GNA13: variants seen among roughly 807,000 people sequenced by gnomAD.
GNA13 encodes the protein G protein subunit alpha 13, also known as guanine nucleotide-binding protein subunit alpha-13.
Under a neutral mutation model 33.5 loss-of-function variants are expected in GNA13, and 4 were observed. The observed-to-expected ratio is 0.12, with a 90% CI of 0.06 to 0.27. The LOEUF (loss-of-function observed/expected upper bound fraction) is 0.27, where lower values mean the gene tolerates loss of function less well. Ranked by LOEUF, GNA13 falls within the 10% of genes least tolerant of loss-of-function variation. The pLI is 1.00. For missense variants in GNA13, 319 were observed against 487.2 expected (o/e 0.65, Z 3.25); for synonymous variants, 176 against 183.8 (o/e 0.96, Z 0.34).
chr17:65,023,313 C>T (rs79770194), intron 2 of GNA13, among the ~76,000 whole-genome samples: 1,843 of 152,294 alleles, frequency 0.012, 42 homozygotes, highest in African/African-American at 0.041. Flanking sequence ...GAATTTAACA[C>T]GCTCCTGTGA....
chr17:65,045,987 T>A (rs1907646175), intron 2 of GNA13, among the ~76,000 whole-genome samples: 1 of 152,182 alleles, frequency 6.6e-6, no homozygotes, highest in South Asian at 2.1e-4. Flanking sequence ...AGTCAGCAGA[T>A]TGGGACTGCG....
chr17:65,022,704 C>CA (rs1906628109), intron 2 of GNA13, among the ~76,000 whole-genome samples: 1 of 152,072 alleles, frequency 6.6e-6, no homozygotes, highest in African/African-American at 2.4e-5. Flanking sequence ...TTCACCAAAA[C>CA]AAAAAATGAA....
At position 65,056,331 on chromosome 17, in the gene GNA13, A is replaced by G; in HGVS notation, c.263T>C (p.Ile88Thr). The G allele has an allele frequency of 6.5e-7, 1 of 1,546,412 alleles. No homozygotes were observed. Residue 88 changes from isoleucine (I) to threonine (T), a missense_variant, in exon 1 of 4, where the codon ATC becomes ACC. Around this residue, in one of 4 missense-constraint regions of GNA13, gnomAD observed 136 missense variants for 159.3 expected, o/e 0.85. Coordinates refer to ENST00000439174, the MANE Select transcript of GNA13 (RefSeq NM_006572.6). The stretch of plus-strand genomic sequence containing the variant: ...GGCACCTTTGATCACGTTGCTGTAG[A>G]TGGTGGGGCGGAACTCCTCGCGCGC... ...QRAREEFRPT[I>T]YSNVIKGMRV...
chr17:65,026,360 C>T (rs1906784709), intron 2 of GNA13, among the ~76,000 whole-genome samples: 1 of 152,032 alleles, frequency 6.6e-6, no homozygotes, highest in African/African-American at 2.4e-5. Context: ...TCATCTGATC[C>T]CCAAAGGGAA....
At position 65,031,919 on chromosome 17, in the gene GNA13, AGAGT is replaced by A. The variant is rs1325572870; in HGVS notation, c.511-13620_511-13617del. Among the ~76,000 whole-genome samples the A allele has an allele frequency of 8.4e-3, 1,048 of 125,496 alleles. 10 individuals are homozygous for A. The highest frequency in any genetic ancestry group is 0.03 in the African/African-American group (959 of 31,698). The allele number at this position is 125,496 out of a possible 152,430, so 82.3% of individuals were successfully genotyped here. A position where few individuals can be genotyped will look rare whatever the true frequency, so the allele number is the denominator to read the frequency against. ...GAAAGAGAGAGAGAGAGAGAGAGAG[AGAGT>A]GTGTGTGTGTGTGTGTGTGTGTGTG... On this transcript the variant is annotated intron_variant, in intron 2 of 3. Coordinates refer to ENST00000439174, the MANE Select transcript of GNA13 (RefSeq NM_006572.6).
In GNA13 at chr17:65,031,958, A is replaced by G. The variant is rs554778203; in HGVS notation, c.511-13655T>C. On this transcript the variant is annotated intron_variant, in intron 2 of 3. Coordinates refer to ENST00000439174, the MANE Select transcript of GNA13 (RefSeq NM_006572.6). ...TGTGTGTGTGTGTGTGTGTGTGTGT[A>G]TAAAAGAGACCTAGATATAGGCTTT... 2.2e-3 allele frequency among the ~76,000 whole-genome samples: 283 copies of G among 126,638 alleles called. 1 individual carries two copies. The highest frequency in any genetic ancestry group is 7.5e-3 in the East Asian group (36 of 4,786). The allele number at this position is 126,638 out of a possible 152,430, so 83.1% of individuals were successfully genotyped here.
chr17:65,046,235 C>T (rs1907657183), intron 2 of GNA13, among the ~76,000 whole-genome samples: 1 of 152,058 alleles, frequency 6.6e-6, no homozygotes, highest in Non-Finnish European at 1.5e-5. Flanking sequence ...AGATATTAAA[C>T]AATTATTATA....
intron 2 of GNA13, among the ~76,000 whole-genome samples, chr17:65,049,322 T>C (rs62062476): frequency 0.093 from 14,108 of 152,198 alleles, 888 homozygotes; most frequent in Non-Finnish European, 0.14. Context: ...GGTTTCACCA[T>C]GTCAGCCAGG....
At chr17:65,056,239 G>GCCCGGGCCC in intron 1 of GNA13, 72 bp downstream of exon 1, 1 of 936,168 alleles carries the variant, frequency 1.1e-6, no homozygotes, top group Non-Finnish European at 1.6e-6. Flanking sequence ...CCAGGGCGGT[G>GCCCGGGCCC]CCCCGCCCCG....
chr17:65,051,569 A>G (rs763913372), intron 2 of GNA13, among the ~76,000 whole-genome samples: 58 of 152,178 alleles, frequency 3.8e-4, no homozygotes, highest in Non-Finnish European at 7.3e-4. Flanking sequence ...AGATCGCGCC[A>G]CTGCACTCCA....
chr17:65,053,548 T>A lies in GNA13; in HGVS notation c.464A>T (p.Asp155Val). The change falls in exon 2 of 4, where the codon GAC (aspartate) becomes GTC (valine). Residue 155 changes from aspartate (D) to valine (V), a missense_variant. Asp to Val is a radical substitution (Grantham distance 152). This residue lies in a region of GNA13 where 136 missense variants were observed against 159.3 expected (regional missense o/e 0.85). Coordinates refer to ENST00000439174, the MANE Select transcript of GNA13 (RefSeq NM_006572.6). ...GTCATAGGCATTCTGTATGCCGCTG[T>A]CTGCCCATAATGCTCTTATAGCAGG... is the stretch of plus-strand genomic sequence containing the variant. The part of the protein sequence containing the change: ...YLPAIRALWA[D>V]SGIQNAYDRR... 1 of 1,613,702 alleles carries A rather than the reference T, an allele frequency of 6.2e-7. No homozygotes were observed. The highest frequency in any genetic ancestry group is 8.5e-7 in the Non-Finnish European group (1 of 1,179,540).
At position 65,056,716 on chromosome 17, in the gene GNA13, C is replaced by T. The variant is rs1290697135; in HGVS notation, c.-123G>A. ...AGCGCGGCGGCGGCCCGAGCGCGCC[C>T]AGGGAGGGAGGGAACCAGCGAACTG... On this transcript the variant is annotated 5_prime_UTR_variant, in exon 1 of 4. Coordinates refer to ENST00000439174, the MANE Select transcript of GNA13 (RefSeq NM_006572.6). 4 of 498,096 alleles carry T rather than the reference C, an allele frequency of 8.0e-6. No homozygotes were observed. Among genetic ancestry groups the T allele is most frequent in the Non-Finnish European group, 8.6e-6 (3 of 348,628 alleles). 30.9% of individuals were successfully genotyped at this position (498,096 alleles called of 1,614,324 possible). A position where few individuals can be genotyped will look rare whatever the true frequency, so the allele number is the denominator to read the frequency against.
rs983297124 is a variant in GNA13, at chr17:65,012,188, GT to G, written c.*2068del. ...TCTGCTTTGTCAGGCAATATCTATG[GT>G]TCGTATCACAGATCTTAACTATGAC... On this transcript the variant is annotated 3_prime_UTR_variant, in exon 4 of 4. Coordinates refer to ENST00000439174, the MANE Select transcript of GNA13 (RefSeq NM_006572.6). The G allele has an allele frequency of 9.1e-6, 2 of 220,558 alleles. No individual in the cohort carries two copies. The highest frequency in any genetic ancestry group is 1.8e-5 in the Non-Finnish European group (2 of 110,096). 13.7% of individuals were successfully genotyped at this position (220,558 alleles called of 1,614,324 possible).
chr17:65,030,149 G>A (rs1165574174), intron 2 of GNA13, among the ~76,000 whole-genome samples: 1 of 152,160 alleles, frequency 6.6e-6, no homozygotes, highest in Non-Finnish European at 1.5e-5. Flanking sequence ...AAAGTATCCT[G>A]GTAGTTCGAA....
At chr17:65,041,673 G>A (rs1031335038) in intron 2 of GNA13, among the ~76,000 whole-genome samples, 1 of 152,224 alleles carries the variant, frequency 6.6e-6, no homozygotes, top group South Asian at 2.1e-4. Flanking sequence ...GGGGTGTGGG[G>A]AGCACCTCAG....
At chr17:65,056,250 C>T in intron 1 of GNA13, 61 bp downstream of exon 1, 1 of 1,054,686 alleles carries the variant, frequency 9.5e-7, no homozygotes, top group Non-Finnish European at 1.4e-6. Flanking sequence ...CCCCGCCCCG[C>T]ACCCGCCGCC....
At position 65,012,345 on chromosome 17, in the gene GNA13, C is replaced by T. The variant is rs544378372; in HGVS notation, c.*1912G>A. The T allele has an allele frequency of 1.8e-5, 4 of 223,142 alleles. No homozygotes were observed. Among genetic ancestry groups the T allele is most frequent in the Non-Finnish European group, 3.6e-5 (4 of 111,870 alleles). The allele number at this position is 223,142 out of a possible 1,614,324, so 13.8% of individuals were successfully genotyped here. A position where few individuals can be genotyped will look rare whatever the true frequency, so the allele number is the denominator to read the frequency against. On this transcript the variant is annotated 3_prime_UTR_variant, in exon 4 of 4. Transcript: ENST00000439174. ...AATGAATAGTCCAAATGTTACTGTG[C>T]ACATATTCCGATATTCATTAGCACT...
At chr17:65,055,419 A>AG (rs764280968) in intron 1 of GNA13, among the ~76,000 whole-genome samples, 1 of 152,204 alleles carries the variant, frequency 6.6e-6, no homozygotes, top group Non-Finnish European at 1.5e-5. Context: ...ATCTAACTCA[A>AG]CACTCATTCA....
rs140010742 is a variant in GNA13 at position 65,013,913 on chromosome 17, C to A, written c.*344G>T. The A allele has an allele frequency of 2.4e-5, 7 of 293,924 alleles. No homozygotes were observed. The highest frequency in any genetic ancestry group is 2.0e-3 in the Middle Eastern group (2 of 976). The allele number at this position is 293,924 out of a possible 1,614,324, so 18.2% of individuals were successfully genotyped here. ...TCATCCCTACAAGTATTTAAGGACA[C>A]CTTTGATACTTGGCACTGCAGGAGA... On this transcript the variant is annotated 3_prime_UTR_variant, in exon 4 of 4. Coordinates refer to ENST00000439174, the MANE Select transcript of GNA13 (RefSeq NM_006572.6).
Sources: allele counts gnomAD v4.1 joint callset (sites outside exome capture counted in the v4.1 genomes callset), GRCh38; gene constraint gnomAD v4.1.1; regional missense constraint gnomAD v4.1.1; transcripts MANE v1.5; gene names NCBI Gene and HGNC (gene_info 2026-07-23, HGNC 2026-07-21).